Variants in RARB observed in about 807,000 individuals in gnomAD.
The protein encoded by RARB is HBV-activated protein.
A neutral mutation model predicts 51.9 loss-of-function variants in RARB; 17 were observed. That is an observed-to-expected ratio of 0.33 (90% confidence interval 0.22 to 0.49). RARB has a LOEUF of 0.49. Among genes scored for constraint, RARB ranks in the 20% least tolerant of loss-of-function variants. The pLI, the probability that RARB is intolerant of heterozygous loss-of-function variation, is 0.99. For synonymous variants in RARB, 215 were observed against 195.4 expected (o/e 1.10, Z -0.84); for missense variants, 369 against 550.8 (o/e 0.67, Z 3.30).
At chr3:25,240,387 T>C (rs1702402275) in intron 5 of RARB, among the ~76,000 whole-genome samples, 1 of 152,162 alleles carries the variant, frequency 6.6e-6, no homozygotes, top group African/African-American at 2.4e-5. Context: ...GGTGAAAGTA[T>C]GCATCCTTGT....
Position 25,596,977 on chromosome 3 carries a change from A to G in RARB, c.*361A>G, listed in dbSNP as rs767626769. The stretch of plus-strand genomic sequence containing the variant: ...ACAGAAGTATGGCTCTGTTCTTTCT[A>G]TACTGTATGTTTGGTGCTTTCCTTT... On this transcript the variant is annotated 3_prime_UTR_variant, in exon 8 of 8. Transcript: ENST00000330688. The G allele has an allele frequency of 1.2e-4, 21 of 173,774 alleles. No homozygotes were observed. The highest frequency in any genetic ancestry group is 2.3e-4 in the Non-Finnish European group (19 of 81,642). The allele number at this position is 173,774 out of a possible 1,614,324, so 10.8% of individuals were successfully genotyped here.
intron 2 of RARB, among the ~76,000 whole-genome samples, chr3:24,911,685 G>T (rs1337600884): frequency 6.6e-6 from 1 of 152,312 alleles, no homozygotes; most frequent in East Asian, 1.9e-4. Flanking sequence ...GGGCACAGTG[G>T]CTCATACCTG....
chr3:25,058,055 T>C (rs1163446321), intron 2 of RARB, among the ~76,000 whole-genome samples: 3 of 151,990 alleles, frequency 2.0e-5, no homozygotes, highest in African/African-American at 7.2e-5. Context: ...GTTATAAAAA[T>C]TGACTTTAGA....
At chr3:25,378,311 G>A (rs1053269835) in intron 5 of RARB, among the ~76,000 whole-genome samples, 1 of 152,172 alleles carries the variant, frequency 6.6e-6, no homozygotes, top group Non-Finnish European at 1.5e-5. Flanking sequence ...ACAGTCACCA[G>A]CAGAGTGGCT....
chr3:24,905,535 G>A (rs1017679745), intron 2 of RARB, among the ~76,000 whole-genome samples: 1 of 152,174 alleles, frequency 6.6e-6, no homozygotes, highest in African/African-American at 2.4e-5. Context: ...GTGAGACACT[G>A]GGGGAGATTA....
intron 3 of RARB, among the ~76,000 whole-genome samples, chr3:25,102,413 G>A (rs1394946121): frequency 6.6e-6 from 1 of 151,926 alleles, no homozygotes. Flanking sequence ...TGGTGGCAAT[G>A]CTTGTAATCC....
intron 2 of RARB, among the ~76,000 whole-genome samples, chr3:25,040,937 A>G (rs1698101376): frequency 6.6e-6 from 1 of 152,134 alleles, no homozygotes; most frequent in Admixed American, 6.6e-5. Context: ...CTGGAATGTG[A>G]ACTCTTTGAG....
In RARB at chr3:25,208,913, A is replaced by C. The variant is rs80255459; in HGVS notation, c.178+34338A>C. On this transcript the variant is annotated intron_variant, in intron 5 of 11. Transcript: ENST00000383772. ...AAAAGGTCTTTCCTCTTACGAAGGA[A>C]CTCTTTACTTAATAAAGTGCTCCAC... is the stretch of plus-strand genomic sequence containing the variant. Among the ~76,000 whole-genome samples, 994 of 152,006 alleles carry C rather than the reference A, an allele frequency of 6.5e-3. 8 individuals carry two copies. Among genetic ancestry groups the C allele is most frequent in the African/African-American group, 0.022 (891 of 41,424 alleles).
intron 2 of RARB, among the ~76,000 whole-genome samples, chr3:24,931,823 C>T (rs758698139): frequency 6.6e-6 from 1 of 152,070 alleles, no homozygotes; most frequent in African/African-American, 2.4e-5. Flanking sequence ...AGGGGCTCAA[C>T]AAGATTTTGT....
At chr3:24,847,467 C>T (rs1702499130) in intron 1 of RARB, among the ~76,000 whole-genome samples, 1 of 152,126 alleles carries the variant, frequency 6.6e-6, no homozygotes, top group Non-Finnish European at 1.5e-5. Flanking sequence ...ATGTGAAGAC[C>T]ACATAAAACC....
chr3:25,403,126 G>C (rs1046914539), intron 5 of RARB, among the ~76,000 whole-genome samples: 30 of 144,028 alleles, frequency 2.1e-4, no homozygotes, highest in African/African-American at 7.1e-4. Flanking sequence ...TCGTGCCACT[G>C]CACTCCAGCC....
At chr3:24,982,875 C>T (rs1039801145) in intron 2 of RARB, among the ~76,000 whole-genome samples, 1 of 152,164 alleles carries the variant, frequency 6.6e-6, no homozygotes, top group Non-Finnish European at 1.5e-5. Context: ...AAATTCCCAT[C>T]CTGTAACACA....
intron 3 of RARB, among the ~76,000 whole-genome samples, chr3:25,535,170 G>A (rs934752441): frequency 6.6e-5 from 10 of 152,144 alleles, no homozygotes; most frequent in African/African-American, 2.4e-4. Context: ...CTTAATTTAC[G>A]AGGGCTTTGG....
chr3:24,836,543 A>G (rs1295188836), intron 1 of RARB, among the ~76,000 whole-genome samples: 1 of 152,202 alleles, frequency 6.6e-6, no homozygotes, highest in Non-Finnish European at 1.5e-5. Context: ...TTATTGTGTC[A>G]GCATCCTCCA....
intron 2 of RARB, among the ~76,000 whole-genome samples, chr3:24,912,731 C>A (rs889003622): frequency 2.6e-5 from 4 of 152,092 alleles, no homozygotes; most frequent in African/African-American, 9.7e-5. Context: ...GACATTTCAA[C>A]TAAAGTTAGC....
chr3:25,028,696 T>C (rs1488555583), intron 2 of RARB, among the ~76,000 whole-genome samples: 1 of 152,190 alleles, frequency 6.6e-6, no homozygotes, highest in Non-Finnish European at 1.5e-5. Flanking sequence ...GAGAGCCATG[T>C]ACAGAGAAGT....
intron 4 of RARB, among the ~76,000 whole-genome samples, chr3:25,578,598 G>A (rs1247298588): frequency 3.3e-5 from 5 of 152,052 alleles, no homozygotes; most frequent in Admixed American, 2.0e-4. Context: ...ATTTAATTAC[G>A]GCCCAAATGG....
intron 5 of RARB, among the ~76,000 whole-genome samples, chr3:25,205,416 C>T (rs115560668): frequency 0.01 from 1,558 of 152,200 alleles, 29 homozygotes; most frequent in African/African-American, 0.035. Flanking sequence ...ACGTTCGGTG[C>T]GCTGCATCCA....
chr3:25,325,396 C>G (rs9818293), intron 5 of RARB, among the ~76,000 whole-genome samples: 32,796 of 151,912 alleles, frequency 0.22, 4,009 homozygotes, highest in African/African-American at 0.33. Flanking sequence ...CCTGTACCTT[C>G]TGCTGAGCTC....
Sources: gnomAD v4.1 joint callset for allele counts (sites outside exome capture counted in the v4.1 genomes callset) on GRCh38, gnomAD v4.1.1 for gene constraint, MANE v1.5 for transcripts, NCBI Gene and HGNC (gene_info 2026-07-23, HGNC 2026-07-21) for gene names.